The following IL1RAPL2 variants were observed in gnomAD, a reference collection of about 807,000 sequenced individuals.
The protein encoded by IL1RAPL2 is interleukin 1 receptor accessory protein like 2, also known as X-linked interleukin-1 receptor accessory protein-like 2.
Under a neutral mutation model 44.1 loss-of-function variants are expected in IL1RAPL2, and 3 were observed. That is an observed-to-expected ratio of 0.07 (90% CI 0.03 to 0.18). The LOEUF is 0.18. IL1RAPL2 is among the 10% of genes least tolerant of loss of function. The probability of loss-of-function intolerance (pLI) is 1.00; values close to 1 mark genes in which losing one functional copy is unlikely to be tolerated. For synonymous variants in IL1RAPL2, 181 were observed against 178.8 expected (o/e 1.01, Z -0.10); for missense variants, 391 against 496.4 (o/e 0.79, Z 2.02).
intron 2 of IL1RAPL2, among the ~76,000 whole-genome samples, chrX:104,772,132 A>T (rs552412915): frequency 9.0e-6 from 1 of 111,531 alleles, no homozygotes; most frequent in Non-Finnish European, 1.9e-5. Context: ...CATTTTATGC[A>T]CGGGTATTCC....
chrX:105,289,212 T>C (rs912318861), intron 5 of IL1RAPL2, among the ~76,000 whole-genome samples: 2 of 110,244 alleles, frequency 1.8e-5, no homozygotes, highest in African/African-American at 6.6e-5. Context: ...GAGAGAGTAG[T>C]GGAGAGAAAA....
At chrX:105,224,417 T>A (rs1377165327) in intron 3 of IL1RAPL2, among the ~76,000 whole-genome samples, 1 of 110,990 alleles carries the variant, frequency 9.0e-6, no homozygotes, top group African/African-American at 3.3e-5. Context: ...TGATAGGAGA[T>A]CACAGAATGA....
intron 5 of IL1RAPL2, among the ~76,000 whole-genome samples, chrX:105,395,773 CTT>C (rs1289699810): frequency 8.9e-6 from 1 of 112,140 alleles, no homozygotes; most frequent in African/African-American, 3.2e-5. Context: ...TCATCCTTGA[CTT>C]TCTCTTTTTT....
In IL1RAPL2 at chrX:104,635,382, G is replaced by A. The variant is rs777971064; in HGVS notation, c.-19-23513G>A. 5.2e-4 allele frequency among the ~76,000 whole-genome samples: 58 copies of A among 110,693 alleles called. No homozygotes were observed. The Middle Eastern group carries it at 0.019, about 36-fold the overall frequency. On this transcript the variant is annotated intron_variant, in intron 1 of 10. Transcript: ENST00000372582. Reference sequence around the variant, plus strand: ...TTCTCTGTATTTCCTGAATCTGAACGTTGGCCTGCCTTGCTAGATTGGGGA... The same window carrying A: ...TTCTCTGTATTTCCTGAATCTGAACATTGGCCTGCCTTGCTAGATTGGGGA...
chrX:105,489,756 T>C (rs866338082), intron 6 of IL1RAPL2, among the ~76,000 whole-genome samples: 24 of 88,879 alleles, frequency 2.7e-4, no homozygotes, highest in African/African-American at 1.0e-3. Flanking sequence ...CTTTCTTTCT[T>C]TCTCTTTCTT....
At chrX:105,091,773 CTT>C (rs2032545834) in intron 2 of IL1RAPL2, among the ~76,000 whole-genome samples, 1 of 111,838 alleles carries the variant, frequency 8.9e-6, no homozygotes, top group Non-Finnish European at 1.9e-5. Context: ...AGAGTCATAT[CTT>C]GTTTGTTCCC....
chrX:104,683,947 C>G (rs1027427158), intron 2 of IL1RAPL2, among the ~76,000 whole-genome samples: 1 of 111,852 alleles, frequency 8.9e-6, no homozygotes, highest in African/African-American at 3.3e-5. Context: ...GCTGGACTTT[C>G]TATAAATGAT....
chrX:105,180,113 G>C (rs1470393331), intron 2 of IL1RAPL2, among the ~76,000 whole-genome samples: 1 of 110,417 alleles, frequency 9.1e-6, no homozygotes, highest in Non-Finnish European at 1.9e-5. Context: ...GAGACTGGCA[G>C]GTCACCTGAG....
At chrX:105,245,180 TG>T (rs1475315004) in intron 4 of IL1RAPL2, among the ~76,000 whole-genome samples, 2 of 112,432 alleles carry the variant, frequency 1.8e-5, no homozygotes, top group Non-Finnish European at 3.8e-5. Flanking sequence ...GTTTTCCAGG[TG>T]TCTTTTCAAA....
At chrX:105,247,603 A>ATATGTG (rs996281661) in intron 4 of IL1RAPL2, among the ~76,000 whole-genome samples, 1 of 95,036 alleles carries the variant, frequency 1.1e-5, no homozygotes, top group African/African-American at 3.7e-5. Flanking sequence ...ATATATATAT[A>ATATGTG]TGTGTGTGTG....
chrX:105,741,935 A>G (rs1355533522), intron 8 of IL1RAPL2, among the ~76,000 whole-genome samples: 4 of 111,730 alleles, frequency 3.6e-5, no homozygotes, highest in Admixed American at 1.9e-4. Context: ...CTTTATTATT[A>G]TACTGAACTT....
chrX:104,674,980 C>G (rs1435315561), intron 2 of IL1RAPL2, among the ~76,000 whole-genome samples: 1 of 110,421 alleles, frequency 9.1e-6, no homozygotes, highest in Non-Finnish European at 1.9e-5. Flanking sequence ...CTATTTGATT[C>G]TTCTCTCTTT....
intron 2 of IL1RAPL2, among the ~76,000 whole-genome samples, chrX:104,800,270 T>G (rs1026007432): frequency 9.0e-6 from 1 of 111,326 alleles, no homozygotes; most frequent in Admixed American, 9.6e-5. Flanking sequence ...CTCTGAGCTC[T>G]ATTTCTTGTA....
chrX:104,704,449 T>C (rs1189995110), intron 2 of IL1RAPL2, among the ~76,000 whole-genome samples: 1 of 111,185 alleles, frequency 9.0e-6, no homozygotes, highest in Non-Finnish European at 1.9e-5. Flanking sequence ...TAAATAATAA[T>C]AGGTGGAGAT....
At chrX:104,718,289 C>T (rs887354629) in intron 2 of IL1RAPL2, among the ~76,000 whole-genome samples, 22 of 110,776 alleles carry the variant, frequency 2.0e-4, no homozygotes, top group Admixed American at 6.7e-4. Context: ...TTTTTAATGA[C>T]CGCCATTCTA....
intron 2 of IL1RAPL2, among the ~76,000 whole-genome samples, chrX:105,001,926 T>G (rs2030857249): frequency 9.0e-6 from 1 of 111,199 alleles, no homozygotes; most frequent in Admixed American, 9.6e-5. Context: ...AAAGTGAGGG[T>G]ACTTCTGAAG....
At chrX:105,485,388 G>A (rs1261330160) in intron 6 of IL1RAPL2, among the ~76,000 whole-genome samples, 2 of 111,273 alleles carry the variant, frequency 1.8e-5, no homozygotes, top group Non-Finnish European at 3.8e-5. Flanking sequence ...GGTATACAAT[G>A]TACAATAATC....
At chrX:105,481,326 C>T (rs2036231695) in intron 5 of IL1RAPL2, among the ~76,000 whole-genome samples, 1 of 112,340 alleles carries the variant, frequency 8.9e-6, no homozygotes, top group South Asian at 3.6e-4. Flanking sequence ...TCTTCTTTAC[C>T]TTACAAGGTC....
At chrX:105,195,941 T>A (rs782713612) in intron 3 of IL1RAPL2, among the ~76,000 whole-genome samples, 193 bp downstream of exon 3, 1 of 112,014 alleles carries the variant, frequency 8.9e-6, no homozygotes, top group East Asian at 2.8e-4. Flanking sequence ...TAGATTTTCA[T>A]AAAATAGGAT....
Sources: gnomAD v4.1 joint callset for allele counts (sites outside exome capture counted in the v4.1 genomes callset) on GRCh38, gnomAD v4.1.1 for gene constraint, MANE v1.5 for transcripts, NCBI Gene and HGNC (gene_info 2026-07-23, HGNC 2026-07-21) for gene names.